Variants in PLXNA4 observed in about 807,000 individuals in gnomAD.
The protein encoded by PLXNA4 is plexin A4.
In PLXNA4, 44 loss-of-function variants were observed where a neutral mutation model predicts 191.8. The observed-to-expected ratio is 0.23, with a 90% confidence interval of 0.18 to 0.29. The LOEUF (loss-of-function observed/expected upper bound fraction) is 0.29. PLXNA4 is among the 10% of genes least tolerant of loss of function. The pLI, the probability that PLXNA4 is intolerant of heterozygous loss-of-function variation, is 1.00. For synonymous variants in PLXNA4, 1,082 were observed against 1,009.5 expected (o/e 1.07, Z -1.36); for missense variants, 1,800 against 2,488.8 (o/e 0.72, Z 5.89).
At chr7:132,278,347 C>T (rs534128791) in intron 4 of PLXNA4, among the ~76,000 whole-genome samples, 4 of 152,296 alleles carry the variant, frequency 2.6e-5, no homozygotes, top group African/African-American at 9.6e-5. Context: ...GAGTCTGAGA[C>T]TGGGAGGCAG....
At chr7:132,632,235 CAAAAA>C (rs398006359) in intron 2 of PLXNA4, among the ~76,000 whole-genome samples, 1 of 78,636 alleles carries the variant, frequency 1.3e-5, no homozygotes. Flanking sequence ...GACTCCATCT[CAAAAA>C]AAAAAAAAAA....
intron 3 of PLXNA4, among the ~76,000 whole-genome samples, chr7:132,323,597 T>C (rs906809339): frequency 6.6e-6 from 1 of 152,144 alleles, no homozygotes; most frequent in Non-Finnish European, 1.5e-5. Flanking sequence ...CTGTGCAAGG[T>C]GTCACCATGC....
chr7:132,268,096 A>G (rs2116306689), intron 4 of PLXNA4, among the ~76,000 whole-genome samples: 1 of 152,226 alleles, frequency 6.6e-6, no homozygotes, highest in East Asian at 1.9e-4. Flanking sequence ...TGATCATGGT[A>G]CACACCGTGA....
At position 132,240,985 on chromosome 7, in the gene PLXNA4, G is replaced by A; in HGVS notation, c.1604+81C>T. 10 of 929,272 alleles carry A rather than the reference G, an allele frequency of 1.1e-5. No individual in the cohort carries two copies. The South Asian group carries it at 1.9e-4, about 17-fold the overall frequency. The allele number at this position is 929,272 out of a possible 1,614,324, so 57.6% of individuals were successfully genotyped here. ...GGAGAAAAGACAGATCAAAGGGAAG[G>A]GCAGTGATGACAGAGAAGCAGAGGA... On this transcript the variant is annotated intron_variant, in intron 5 of 31. Transcript: ENST00000321063.
chr7:132,228,766 C>G (rs1798422683), intron 5 of PLXNA4, among the ~76,000 whole-genome samples: 1 of 152,238 alleles, frequency 6.6e-6, no homozygotes, highest in South Asian at 2.1e-4. Flanking sequence ...TTCACCCTCT[C>G]TGCACATCCT....
At chr7:132,319,897 G>T (rs1276577189) in intron 3 of PLXNA4, among the ~76,000 whole-genome samples, 2 of 152,212 alleles carry the variant, frequency 1.3e-5, no homozygotes, top group Non-Finnish European at 2.9e-5. Context: ...AAAGGGCTCT[G>T]CTGGAGTTCT....
chr7:132,545,151 C>T (rs2116530183), intron 1 of PLXNA4, among the ~76,000 whole-genome samples: 1 of 152,346 alleles, frequency 6.6e-6, no homozygotes, highest in East Asian at 1.9e-4. Flanking sequence ...ACCCCTCCCC[C>T]AGTGTCCTCT....
intron 2 of PLXNA4, among the ~76,000 whole-genome samples, chr7:132,590,407 T>A (rs905721414): frequency 2.0e-5 from 3 of 152,152 alleles, no homozygotes; most frequent in Admixed American, 6.5e-5. Flanking sequence ...ACTCACACGA[T>A]CACAAAGTGA....
chr7:132,496,723 T>C (rs372259466), intron 2 of PLXNA4, among the ~76,000 whole-genome samples: 80 of 152,240 alleles, frequency 5.3e-4, no homozygotes, highest in African/African-American at 1.9e-3. Flanking sequence ...TAAGCACGGG[T>C]TTCCTCTGGG....
At chr7:132,199,839 A>C (rs1797375113) in intron 12 of PLXNA4, among the ~76,000 whole-genome samples, 1 of 152,156 alleles carries the variant, frequency 6.6e-6, no homozygotes, top group Non-Finnish European at 1.5e-5. Flanking sequence ...CACCTCCTAC[A>C]CATCCCCGTG....
chr7:132,365,913 C>T (rs565024004), intron 3 of PLXNA4: 1 of 152,274 alleles, frequency 6.6e-6, no homozygotes, highest in South Asian at 2.1e-4. Context: ...GGGTGCCTTC[C>T]TATCTTTCAG....
chr7:132,521,481 G>T (rs1401387877), intron 1 of PLXNA4, among the ~76,000 whole-genome samples: 2 of 152,154 alleles, frequency 1.3e-5, no homozygotes, highest in African/African-American at 2.4e-5. Context: ...TTGGGTCCCA[G>T]TCTCCGAGTC....
chr7:132,307,703 C>T (rs1418410066), intron 3 of PLXNA4, among the ~76,000 whole-genome samples: 1 of 152,186 alleles, frequency 6.6e-6, no homozygotes, highest in East Asian at 1.9e-4. Context: ...TCCGTGCCTT[C>T]CTGCCTTTAG....
rs1285920202 is a variant in PLXNA4, at chr7:132,140,610, A to G, written c.5427T>C (p.Asn1809=). The change falls in exon 30 of 32, where the codon AAT becomes AAC. Residue 1809 remains asparagine, a synonymous_variant. Coordinates refer to ENST00000321063, the MANE Select transcript of PLXNA4 (RefSeq NM_020911.2). ...GGCCCAGCACTCACCTCTCCACCCA[A>G]TTCTTGTAGCTGGGGATGTCCTTGG... The part of the protein sequence containing the change: ...LYAKDIPSYK[N]WVERYYSDIG... 5.6e-6 allele frequency: 9 copies of G among 1,613,910 alleles called. No homozygotes were observed. Among genetic ancestry groups the G allele is most frequent in the Non-Finnish European group, 5.1e-6 (6 of 1,179,996 alleles).
Position 132,132,473 on chromosome 7 carries a change from C to CTTTCTAT in PLXNA4, c.5589+575_5589+576insATAGAAA, listed in dbSNP as rs1563048405. Among the ~76,000 whole-genome samples the CTTTCTAT allele has an allele frequency of 1.8e-3, 97 of 53,094 alleles. 1 individual carries two copies. The highest frequency in any genetic ancestry group is 9.6e-3 in the Middle Eastern group (1 of 104). The allele number at this position is 53,094 out of a possible 152,430, so 34.8% of individuals were successfully genotyped here. On this transcript the variant is annotated intron_variant, in intron 31 of 31. Transcript: ENST00000321063. Reference sequence around the variant, plus strand: ...TTCTGTTCTGTTCTGTTCTGCTCTGCTCTGCTCTGCTCTGCTCTATTCTTT... The same window carrying CTTTCTAT: ...TTCTGTTCTGTTCTGTTCTGCTCTGCTTTCTATTCTGCTCTGCTCTGCTCTATTCTTT...
intron 3 of PLXNA4, among the ~76,000 whole-genome samples, chr7:132,344,499 C>A (rs760142249): frequency 3.3e-5 from 5 of 152,120 alleles, no homozygotes; most frequent in Admixed American, 6.5e-5. Context: ...ACTGCATGTG[C>A]CTTGCCTACT....
At chr7:132,210,005 T>C (rs935496792) in intron 10 of PLXNA4, among the ~76,000 whole-genome samples, 5 of 152,230 alleles carry the variant, frequency 3.3e-5, no homozygotes, top group Non-Finnish European at 7.3e-5. Context: ...ATCTAAGTTG[T>C]ACTTATTATA....
intron 2 of PLXNA4, among the ~76,000 whole-genome samples, chr7:132,504,599 C>T (rs1486800875): frequency 6.6e-6 from 1 of 152,174 alleles, no homozygotes; most frequent in Non-Finnish European, 1.5e-5. Context: ...ATGATAAAAC[C>T]CACAGGGGAC....
At chr7:132,359,175 C>T (rs1803829013) in intron 3 of PLXNA4, among the ~76,000 whole-genome samples, 1 of 150,836 alleles carries the variant, frequency 6.6e-6, no homozygotes, top group Admixed American at 6.6e-5. Flanking sequence ...TATGTTCAGC[C>T]CCCTCCTATT....
Sources: allele counts gnomAD v4.1 joint callset (sites outside exome capture counted in the v4.1 genomes callset), GRCh38; gene constraint gnomAD v4.1.1; transcripts MANE v1.5; gene names NCBI Gene and HGNC (gene_info 2026-07-23, HGNC 2026-07-21).